Variants in CDH23 observed in about 807,000 individuals in gnomAD.
CDH23 encodes the protein cadherin-23.
A neutral mutation model predicts 317.1 loss-of-function variants in CDH23; 189 were observed. The ratio of observed to expected loss-of-function variants is 0.60; its 90% CI spans 0.53 to 0.67. CDH23 has a LOEUF of 0.67. Among genes scored for constraint, CDH23 ranks in the 30% least tolerant of loss-of-function variants. The pLI is 0.00. For missense variants in CDH23, 4,401 were observed against 4,592.4 expected, an observed-to-expected ratio of 0.96 and a Z score of 1.20; for synonymous variants, 1,839 against 1,876.8, an observed-to-expected ratio of 0.98 and a Z score of 0.52.
intron 11 of CDH23, among the ~76,000 whole-genome samples, chr10:71,641,167 G>A (rs901530998): frequency 6.6e-6 from 1 of 152,146 alleles, no homozygotes; most frequent in African/African-American, 2.4e-5. Flanking sequence ...TACTCTCCCT[G>A]CCGCAGTGAT....
Position 71,577,914 on chromosome 10 carries a change from G to T in CDH23, c.754G>T (p.Gly252Cys). The change falls in exon 9 of 70, where the codon GGC (glycine) becomes TGC (cysteine). Residue 252 changes from glycine (G) to cysteine (C), a missense_variant and splice_region_variant. This residue lies in a region of CDH23 where 3,068 missense variants were observed against 3,203.3 expected (regional missense o/e 0.96). Coordinates refer to ENST00000224721, the MANE Select transcript of CDH23 (RefSeq NM_022124.6). ...STNIYEHSPP[G>C]TTVRIITAID... ...CAAGTCCCTCCTCTCTTCTGCCCAG[G>T]GCACGACGGTGCGCATCATCACCGC... 1 of 1,594,828 alleles carries T rather than the reference G, an allele frequency of 6.3e-7. No individual in the cohort carries two copies.
intron 10 of CDH23, 141 bp downstream of exon 10, chr10:71,615,757 C>A: frequency 1.6e-6 from 1 of 635,948 alleles, no homozygotes; most frequent in Non-Finnish European, 2.8e-6. Context: ...CCTGCACTGC[C>A]TCCCGGGGCT....
chr10:71,784,009 T>G (rs1439823828), intron 41 of CDH23, among the ~76,000 whole-genome samples: 1 of 152,218 alleles, frequency 6.6e-6, no homozygotes, highest in South Asian at 2.1e-4. Context: ...CTGGCCTGCC[T>G]GTGGCCCAGG....
intron 1 of CDH23, among the ~76,000 whole-genome samples, chr10:71,412,327 T>C (rs1848374713): frequency 6.6e-6 from 1 of 152,196 alleles, no homozygotes; most frequent in South Asian, 2.1e-4. Flanking sequence ...TATACCTAGG[T>C]GTGGAGTTCC....
intron 69 of CDH23, among the ~76,000 whole-genome samples, chr10:71,813,975 T>C (rs142034634): frequency 2.0e-5 from 3 of 152,272 alleles, no homozygotes; most frequent in African/African-American, 7.2e-5. Context: ...CTGTAATGAT[T>C]ATGTCAACAC....
chr10:71,633,111 A>T (rs1365238446), intron 11 of CDH23, among the ~76,000 whole-genome samples: 1 of 151,928 alleles, frequency 6.6e-6, no homozygotes, highest in Non-Finnish European at 1.5e-5. Flanking sequence ...TTAATCCATT[A>T]ACCCATTAAT....
intron 6 of CDH23, among the ~76,000 whole-genome samples, chr10:71,525,317 A>G (rs910812086): frequency 6.6e-6 from 1 of 152,268 alleles, no homozygotes; most frequent in African/African-American, 2.4e-5. Context: ...AACTTGTTAC[A>G]GCAGCCATAG....
intron 8 of CDH23, among the ~76,000 whole-genome samples, chr10:71,576,464 C>A (rs1166605735): frequency 1.3e-5 from 2 of 151,962 alleles, no homozygotes; most frequent in Non-Finnish European, 2.9e-5. Flanking sequence ...GAGCGCAGGG[C>A]ATGCGTGTCA....
At chr10:71,405,546 T>C (rs988219966) in intron 1 of CDH23, among the ~76,000 whole-genome samples, 22 of 151,392 alleles carry the variant, frequency 1.5e-4, no homozygotes, top group African/African-American at 4.6e-4. Context: ...CAAACAATTC[T>C]CCTGCTTCAG....
At chr10:71,595,707 G>A (rs915061043) in intron 9 of CDH23, among the ~76,000 whole-genome samples, 6 of 152,128 alleles carry the variant, frequency 3.9e-5, no homozygotes, top group African/African-American at 9.7e-5. Flanking sequence ...GTCATCCGCC[G>A]AGACAACGCT....
intron 3 of CDH23, among the ~76,000 whole-genome samples, chr10:71,463,820 C>T (rs1173991227): frequency 6.6e-6 from 1 of 152,098 alleles, no homozygotes; most frequent in Non-Finnish European, 1.5e-5. Flanking sequence ...AGTGTCCTGC[C>T]ATCAACAGAT....
intron 38 of CDH23, chr10:71,749,918 A>G (rs1404449462): frequency 2.6e-5 from 4 of 151,856 alleles, no homozygotes; most frequent in Non-Finnish European, 1.5e-5. Flanking sequence ...GCTAGGAGAC[A>G]AATGCCCAGG....
At chr10:71,637,439 C>T (rs571796461) in intron 11 of CDH23, among the ~76,000 whole-genome samples, 2 of 152,268 alleles carry the variant, frequency 1.3e-5, no homozygotes, top group South Asian at 4.1e-4. Flanking sequence ...AGATGCTTGA[C>T]CAAGATTTGG....
chr10:71,701,180 C>T (rs1478750269), intron 22 of CDH23, among the ~76,000 whole-genome samples: 1 of 152,182 alleles, frequency 6.6e-6, no homozygotes, highest in Non-Finnish European at 1.5e-5. Context: ...AAGGCTGGTG[C>T]TGTGTGACCC....
intron 38 of CDH23, chr10:71,755,568 G>A (rs996934924): frequency 2.6e-5 from 29 of 1,095,092 alleles, no homozygotes; most frequent in Middle Eastern, 2.1e-4. Context: ...CAGGAGACCC[G>A]CCTTTCCCCA....
At chr10:71,471,734 C>T (rs1397260733) in intron 3 of CDH23, among the ~76,000 whole-genome samples, 1 of 152,204 alleles carries the variant, frequency 6.6e-6, no homozygotes, top group Non-Finnish European at 1.5e-5. Flanking sequence ...CCTGCCATTC[C>T]TGCGGCCTGG....
At chr10:71,603,959 C>A (rs2132483467) in intron 9 of CDH23, among the ~76,000 whole-genome samples, 1 of 152,306 alleles carries the variant, frequency 6.6e-6, no homozygotes, top group African/African-American at 2.4e-5. Context: ...ACGCATCTTC[C>A]CCATCTCTCA....
chr10:71,650,225 TGTGA>T lies in CDH23; in HGVS notation c.1449+3612_1449+3615del, dbSNP rs772287966. Among the ~76,000 whole-genome samples the T allele has an allele frequency of 6.4e-4, 97 of 152,318 alleles. 1 individual carries two copies. The highest frequency in any genetic ancestry group is 9.7e-4 in the Non-Finnish European group (66 of 68,030). On this transcript the variant is annotated intron_variant, in intron 14 of 69. Transcript: ENST00000224721. ...CTAAGCTGCTCCAGGGACAGAGCTG[TGTGA>T]GTGTTTTCACTGATGGAGAAACCAT...
At chr10:71,541,273 G>A (rs1467908159) in intron 6 of CDH23, among the ~76,000 whole-genome samples, 1 of 152,138 alleles carries the variant, frequency 6.6e-6, no homozygotes, top group Non-Finnish European at 1.5e-5. Context: ...TCATTTTCAC[G>A]CAGCAATTAC....
Sources: gnomAD v4.1 joint callset for allele counts (sites outside exome capture counted in the v4.1 genomes callset) on GRCh38, gnomAD v4.1.1 for gene constraint, gnomAD v4.1.1 regional missense constraint, MANE v1.5 for transcripts, NCBI Gene and HGNC (gene_info 2026-07-23, HGNC 2026-07-21) for gene names.